The following HYI variants were observed in gnomAD, a reference collection of about 807,000 sequenced individuals.
The protein encoded by HYI is putative hydroxypyruvate isomerase.
In HYI, 47 loss-of-function variants were observed where a neutral mutation model predicts 39.7. That is an observed-to-expected ratio of 1.18 (90% CI 0.94 to 1.51). The LOEUF (loss-of-function observed/expected upper bound fraction) is 1.51, where lower values mean the gene tolerates loss of function less well. Ranked by LOEUF, HYI falls within the 40% of genes most tolerant of loss-of-function variation. The pLI, the probability that HYI is intolerant of heterozygous loss-of-function variation, is 0.00. For synonymous variants in HYI, 186 were observed against 158.8 expected (o/e 1.17, Z -1.29); for missense variants, 465 against 370.3 (o/e 1.26, Z -2.10).
chr1:43,452,809 T>G (rs1656584404), intron 2 of HYI: 3 of 1,345,770 alleles, frequency 2.2e-6, no homozygotes, highest in Non-Finnish European at 3.1e-6. Flanking sequence ...AGCCCCACTT[T>G]GAGCCGTCCA....
rs752967644 is a variant in HYI, at chr1:43,452,920, C to T, written c.311+466G>A. The T allele has an allele frequency of 1.4e-5, 23 of 1,605,864 alleles. No homozygotes were observed. In the Admixed American group the frequency reaches 2.5e-4, roughly 18 times the overall value. On this transcript the variant is annotated intron_variant, in intron 2 of 7. Transcript: ENST00000372430. ...CTACATACATGTCCAGCCTCAGGAACGCTGCCAAATACACCAGGCCTCCTC... is the reference window on the plus strand; with the variant it reads ...CTACATACATGTCCAGCCTCAGGAATGCTGCCAAATACACCAGGCCTCCTC...
Position 43,453,629 on chromosome 1 carries a change from C to A in HYI, c.165G>T (p.Ala55=), listed in dbSNP as rs777700877. 3.3e-6 allele frequency: 5 copies of A among 1,494,186 alleles called. No individual in the cohort carries two copies. In the South Asian group the frequency reaches 6.4e-5, roughly 19 times the overall value. The allele number at this position is 1,494,186 out of a possible 1,614,324, so 92.6% of individuals were successfully genotyped here. A position where few individuals can be genotyped will look rare whatever the true frequency, so the allele number is the denominator to read the frequency against. The part of the protein sequence containing the change: ...PEALARAARE[A]GLRLVLINTP... ...TGTTGATCAGTACAAGCCGCAGCCCCGCTTCTCGCGCGGCGCGCGCCAGCG... is the reference window on the plus strand; with the variant it reads ...TGTTGATCAGTACAAGCCGCAGCCCAGCTTCTCGCGCGGCGCGCGCCAGCG... Residue 55 remains alanine (A), a synonymous_variant, in exon 1 of 8, where the codon GCG becomes GCT. Coordinates refer to ENST00000372430, the MANE Select transcript of HYI (RefSeq NM_001190880.3).
At position 43,451,281 on chromosome 1, in the gene HYI, C is replaced by T. The variant is rs368593287; in HGVS notation, c.791G>A (p.Arg264His). Residue 264 changes from arginine (R) to histidine (H), a missense_variant, in exon 8 of 8, where the codon CGT (arginine) becomes CAT (histidine). Coordinates refer to ENST00000372430, the MANE Select transcript of HYI (RefSeq NM_001190880.3). ...GDTVEGLSWL[R>H]SYWDRRGHPE... ...GTGGCCCCGCCTATCCCAGTATGAA[C>T]GTAGCCAACTCAAGCCCTCTACTGT... 9.3e-6 allele frequency: 15 copies of T among 1,613,980 alleles called. No homozygotes were observed. Among genetic ancestry groups the T allele is most frequent in the African/African-American group, 2.7e-5 (2 of 74,930 alleles).
At position 43,451,568 on chromosome 1, in the gene HYI, T is replaced by TGGGGTCC. The variant is rs767066364; in HGVS notation, c.626-31_626-25dup. 4.7e-5 allele frequency: 76 copies of TGGGGTCC among 1,613,180 alleles called. No individual in the cohort carries two copies. The African/African-American group carries it at 8.4e-4, about 18-fold the overall frequency. ...CCCTGGGGACAGATGTGGACAAATG[T>TGGGGTCC]GGGGTCCAGGCTCCTGCCAGGGCCT... is the stretch of plus-strand genomic sequence containing the variant. On this transcript the variant is annotated intron_variant, in intron 6 of 7. Coordinates refer to ENST00000372430, the MANE Select transcript of HYI (RefSeq NM_001190880.3).
At chr1:43,453,559 C>A in intron 1 of HYI, 36 bp downstream of exon 1, 1 of 1,519,600 alleles carries the variant, frequency 6.6e-7, no homozygotes, top group South Asian at 1.3e-5. Flanking sequence ...CCCCGGCACC[C>A]CCCAGCCCTC....
rs1373677523 is a variant in HYI at position 43,451,820 on chromosome 1, C to T, written c.533G>A (p.Arg178Lys). ...QAAAILQKVG[R>K]PNLQLQMDIF... ...TACCATTTGTAATTGGAGGTTGGGT[C>T]TTCCTACCTTCTGTAAGATGGCTGC... Residue 178 changes from arginine to lysine, a missense_variant, in exon 5 of 8, where the codon AGA (arginine) becomes AAA (lysine). By Grantham distance (26) the Arg-to-Lys change is conservative (BLOSUM62 2). Coordinates refer to ENST00000372430, the MANE Select transcript of HYI (RefSeq NM_001190880.3). The T allele has an allele frequency of 1.2e-6, 2 of 1,614,064 alleles. No homozygotes were observed. The highest frequency in any genetic ancestry group is 1.1e-5 in the South Asian group (1 of 91,076).
At chr1:43,451,372 G>A (rs1187290459) in intron 7 of HYI, 38 bp downstream of exon 7, 3 of 1,611,848 alleles carry the variant, frequency 1.9e-6, no homozygotes, top group Non-Finnish European at 2.5e-6. Context: ...CCCTGTCCGG[G>A]TCCCTCCAGA....
At chr1:43,451,349 A>AG (rs1272055257) in intron 7 of HYI, 38 bp from the exon 8 acceptor site, 1 of 1,612,702 alleles carries the variant, frequency 6.2e-7, no homozygotes, top group South Asian at 1.1e-5. Context: ...TCAGCCCACA[A>AG]GGAGAAAACA....
At chr1:43,450,745 G>A (rs1656294310), downstream of HYI, 3 of 704,154 alleles carry the variant, frequency 4.3e-6, no homozygotes, top group Admixed American at 1.8e-5. This position sits in a 1 kb window ranked among gnomAD's most constrained non-coding sequence, Gnocchi z 4.3. Flanking sequence ...GCCCTTCTGG[G>A]GTACTCCTTT....
chr1:43,453,900 AACGAGC>A lies in HYI; in HGVS notation c.-113_-108del. 4.1e-6 allele frequency: 5 copies of A among 1,216,792 alleles called. No individual in the cohort carries two copies. Among genetic ancestry groups the A allele is most frequent in the African/African-American group, 1.6e-5 (1 of 62,942 alleles). The allele number at this position is 1,216,792 out of a possible 1,614,324, so 75.4% of individuals were successfully genotyped here. On this transcript the variant is annotated 5_prime_UTR_variant, in exon 1 of 8. Coordinates refer to ENST00000372430, the MANE Select transcript of HYI (RefSeq NM_001190880.3). ...GCTCTCCTTGCTGGCCCTGCGAACG[AACGAGC>A]ACTGTTCGTGGTTAGAAAAGCGAAG...
rs1379918391 is a variant in HYI, at chr1:43,453,907, AC to A, written c.-115del. The A allele has an allele frequency of 8.2e-7, 1 of 1,214,506 alleles. No homozygotes were observed. The highest frequency in any genetic ancestry group is 1.6e-5 in the African/African-American group (1 of 62,976). 75.2% of individuals were successfully genotyped at this position (1,214,506 alleles called of 1,614,324 possible). The stretch of plus-strand genomic sequence containing the variant: ...TTGCTGGCCCTGCGAACGAACGAGC[AC>A]TGTTCGTGGTTAGAAAAGCGAAGTG... On this transcript the variant is annotated 5_prime_UTR_variant, in exon 1 of 8. The change creates a new upstream start codon in the 5' untranslated region. Coordinates refer to ENST00000372430, the MANE Select transcript of HYI (RefSeq NM_001190880.3).
In HYI at chr1:43,452,244, A is replaced by C. The variant is rs752132669; in HGVS notation, c.387T>G (p.Phe129Leu). ...CAGCTGCATGCCTCAGGTTCTCCAGAAAAACGGCCTCCATCTCAGCCTTGA... is the reference window on the plus strand; with the variant it reads ...CAGCTGCATGCCTCAGGTTCTCCAGCAAAACGGCCTCCATCTCAGCCTTGA... ...IAVKAEMEAV[F>L]LENLRHAAGV... Residue 129 changes from phenylalanine (F) to leucine (L), a missense_variant, in exon 3 of 8, where the codon TTT becomes TTG. Coordinates refer to ENST00000372430, the MANE Select transcript of HYI (RefSeq NM_001190880.3). 6.2e-7 allele frequency: 1 copy of C among 1,613,900 alleles called. No individual in the cohort carries two copies. The highest frequency in any genetic ancestry group is 8.5e-7 in the Non-Finnish European group (1 of 1,179,894).
chr1:43,452,969 A>G (rs746723799), intron 2 of HYI: 2 of 1,609,044 alleles, frequency 1.2e-6, no homozygotes, highest in Non-Finnish European at 1.7e-6. Context: ...CTTGCAAGGA[A>G]CACTCAACTT....
intron 4 of HYI, 36 bp downstream of exon 4, chr1:43,451,899 A>C: frequency 6.2e-7 from 1 of 1,613,756 alleles, no homozygotes; most frequent in Non-Finnish European, 8.5e-7. Context: ...ACAGGAATCA[A>C]AAGGGACAGA....
chr1:43,451,138 T>C lies in HYI; in HGVS notation c.*100A>G, dbSNP rs1280854269. 1.7e-6 allele frequency: 2 copies of C among 1,148,008 alleles called. No homozygotes were observed. Among genetic ancestry groups the C allele is most frequent in the Non-Finnish European group, 1.3e-6 (1 of 758,024 alleles). The allele number at this position is 1,148,008 out of a possible 1,614,324, so 71.1% of individuals were successfully genotyped here. A position where few individuals can be genotyped will look rare whatever the true frequency, so the allele number is the denominator to read the frequency against. Reference sequence around the variant, plus strand: ...GACACTATGTGTCCCACCACCCCATTACAGAGACATATGACAATGTTCAGC... The same window carrying C: ...GACACTATGTGTCCCACCACCCCATCACAGAGACATATGACAATGTTCAGC... On this transcript the variant is annotated 3_prime_UTR_variant, in exon 8 of 8. Transcript: ENST00000372430.
At chr1:43,452,556 A>G in intron 2 of HYI, 1 of 626,278 alleles carries the variant, frequency 1.6e-6, no homozygotes, top group Non-Finnish European at 2.9e-6. Context: ...GTACTTTCCA[A>G]AACCTTTCCT....
At chr1:43,450,895 C>T, downstream of HYI, 1 of 738,042 alleles carries the variant, frequency 1.4e-6, no homozygotes, top group Non-Finnish European at 2.5e-6. The surrounding 1 kb of genome is among the most constrained non-coding windows in gnomAD (Gnocchi z 4.3). Context: ...TCACTTCCCA[C>T]TTGGACATCA....
At chr1:43,452,812 G>A in intron 2 of HYI, 2 of 1,367,592 alleles carry the variant, frequency 1.5e-6, no homozygotes, top group South Asian at 2.5e-5. Flanking sequence ...CCCACTTTGA[G>A]CCGTCCACCT....
At chr1:43,451,897 C>T (rs1570761607) in intron 4 of HYI, 38 bp downstream of exon 4, 1 of 1,613,712 alleles carries the variant, frequency 6.2e-7, no homozygotes, top group East Asian at 2.2e-5. Flanking sequence ...GCACAGGAAT[C>T]AAAAGGGACA....
Sources: allele counts gnomAD v4.1 joint callset, GRCh38; gene constraint gnomAD v4.1.1; non-coding constraint Gnocchi (gnomAD v3.1); transcripts MANE v1.5; gene names NCBI Gene and HGNC (gene_info 2026-07-23, HGNC 2026-07-21).